Variants in CMTM2 observed in about 807,000 individuals in gnomAD.
CMTM2 encodes CKLF-like MARVEL transmembrane domain-containing protein 2.
CMTM2 carries 15 observed loss-of-function variants against 16.8 expected under a neutral mutation model. The ratio of observed to expected loss-of-function variants is 0.89; its 90% CI spans 0.60 to 1.37. CMTM2 has a LOEUF of 1.37. CMTM2 is among the 40% of genes most tolerant of loss of function. The pLI, the probability that CMTM2 is intolerant of heterozygous loss-of-function variation, is 0.00. For synonymous variants in CMTM2, 117 were observed against 118.7 expected, an observed-to-expected ratio of 0.99 and a Z score of 0.09; for missense variants, 282 against 318.0, an observed-to-expected ratio of 0.89 and a Z score of 0.86.
chr16:66,581,641 A>G (rs2014736839), intron 2 of CMTM2, among the ~76,000 whole-genome samples: 1 of 152,222 alleles, frequency 6.6e-6, no homozygotes, highest in Non-Finnish European at 1.5e-5. Context: ...GCGCCCTGGA[A>G]AGACTACCTC....
intron 2 of CMTM2, among the ~76,000 whole-genome samples, chr16:66,581,266 G>T (rs2014733788): frequency 6.6e-6 from 1 of 151,762 alleles, no homozygotes; most frequent in African/African-American, 2.4e-5. Flanking sequence ...CAAGGTAAAA[G>T]GACAGGCAGA....
chr16:66,586,542 G>C (rs925383760), intron 2 of CMTM2, among the ~76,000 whole-genome samples: 2 of 152,174 alleles, frequency 1.3e-5, no homozygotes, highest in Non-Finnish European at 2.9e-5. Flanking sequence ...AGCTGCTCAG[G>C]AGGCAGAGGT....
rs759218782 is a variant in CMTM2, at chr16:66,586,968, C to T, written c.445-29C>T. ...TTGTTGATGGGGACCCTGGCTTTGG[C>T]TGAGGCTGACTAACCTCTCCACCTT... is the stretch of plus-strand genomic sequence containing the variant. On this transcript the variant is annotated intron_variant, in intron 2 of 3. Transcript: ENST00000268595. The T allele has an allele frequency of 1.2e-5, 19 of 1,557,424 alleles. No homozygotes were observed. In the African/African-American group the frequency reaches 2.4e-4, roughly 20 times the overall value.
At chr16:66,587,839 T>C in intron 3 of CMTM2, 80 bp from the exon 4 acceptor site, 2 of 1,429,284 alleles carry the variant, frequency 1.4e-6, no homozygotes, top group Non-Finnish European at 9.8e-7. Flanking sequence ...CAGCACCCCC[T>C]GATGAATGAG....
chr16:66,583,900 T>G (rs941927045), intron 2 of CMTM2, among the ~76,000 whole-genome samples: 1 of 152,170 alleles, frequency 6.6e-6, no homozygotes, highest in African/African-American at 2.4e-5. Context: ...ACAGATTGAA[T>G]GTTTGTGTCT....
intron 2 of CMTM2, among the ~76,000 whole-genome samples, chr16:66,581,321 C>T (rs2014734201): frequency 6.6e-6 from 1 of 151,984 alleles, no homozygotes; most frequent in South Asian, 2.1e-4. Context: ...TTTTTAGTTC[C>T]AGCAAGATGA....
chr16:66,585,502 G>T (rs977981711), intron 2 of CMTM2, among the ~76,000 whole-genome samples: 18 of 152,202 alleles, frequency 1.2e-4, no homozygotes, highest in Non-Finnish European at 2.2e-4. Flanking sequence ...AATATAAAAA[G>T]TGTATTTTGA....
At chr16:66,582,994 A>G (rs2014752768) in intron 2 of CMTM2, among the ~76,000 whole-genome samples, 1 of 152,238 alleles carries the variant, frequency 6.6e-6, no homozygotes, top group African/African-American at 2.4e-5. Context: ...CTTGTATTCA[A>G]CATTGTGATA....
At chr16:66,583,060 A>G (rs2014753357) in intron 2 of CMTM2, among the ~76,000 whole-genome samples, 2 of 152,196 alleles carry the variant, frequency 1.3e-5, no homozygotes, top group Non-Finnish European at 2.9e-5. Context: ...TGACAAGAGG[A>G]AAAATCTAAT....
intron 2 of CMTM2, among the ~76,000 whole-genome samples, chr16:66,581,029 A>G (rs529295632): frequency 2.2e-4 from 33 of 152,252 alleles, no homozygotes; most frequent in South Asian, 6.2e-4. Flanking sequence ...ACATGAGGAA[A>G]TTGGCCTAGA....
Position 66,581,943 on chromosome 16 carries a change from A to G in CMTM2, c.444+1759A>G, listed in dbSNP as rs139881291. Reference sequence around the variant, plus strand: ...TTGGACTCCTGATAGAAACAAATGCAAAATCACAATCAAGGCATGAAGAGA... The same window carrying G: ...TTGGACTCCTGATAGAAACAAATGCGAAATCACAATCAAGGCATGAAGAGA... On this transcript the variant is annotated intron_variant, in intron 2 of 3. Transcript: ENST00000268595. 5.3e-5 allele frequency among the ~76,000 whole-genome samples: 8 copies of G among 152,272 alleles called. 1 individual carries two copies. The East Asian group carries it at 1.5e-3, about 29-fold the overall frequency.
In CMTM2 at chr16:66,588,148, G is replaced by A. The variant is rs1467194451; in HGVS notation, c.*29G>A. 29 of 1,598,516 alleles carry A rather than the reference G, an allele frequency of 1.8e-5. No individual in the cohort carries two copies. The highest frequency in any genetic ancestry group is 2.3e-5 in the Non-Finnish European group (27 of 1,168,458). Reference sequence around the variant, plus strand: ...GGAGGAGGCTCCTGGTGTCTGAAACGGCAGTGTATTTTACAGCAATATGTT... The same window carrying A: ...GGAGGAGGCTCCTGGTGTCTGAAACAGCAGTGTATTTTACAGCAATATGTT... On this transcript the variant is annotated 3_prime_UTR_variant, in exon 4 of 4. Transcript: ENST00000268595.
chr16:66,582,559 A>T (rs2014748214), intron 2 of CMTM2, among the ~76,000 whole-genome samples: 1 of 152,098 alleles, frequency 6.6e-6, no homozygotes, highest in Non-Finnish European at 1.5e-5. Flanking sequence ...AAAATTAGCC[A>T]AGCATGGTGG....
Position 66,587,922 on chromosome 16 carries a change from C to G in CMTM2, c.550C>G (p.Leu184Val). The change falls in exon 4 of 4, where the codon CTT (leucine) becomes GTT (valine). Residue 184 changes from leucine (L) to valine (V), a missense_variant. Physicochemically the swap from Leu to Val is conservative, Grantham distance 32. Coordinates refer to ENST00000268595, the MANE Select transcript of CMTM2 (RefSeq NM_144673.3). ...MNLHYLLAVI[L>V]IGAAGVFAFI... ...TGAGGACCGTTTTGTTTTCCAGATC[C>G]TTATTGGTGCGGCTGGAGTTTTTGC... 1 of 1,614,088 alleles carries G rather than the reference C, an allele frequency of 6.2e-7. No homozygotes were observed. The highest frequency in any genetic ancestry group is 8.5e-7 in the Non-Finnish European group (1 of 1,180,018).
chr16:66,584,594 T>C (rs1040683668), intron 2 of CMTM2, among the ~76,000 whole-genome samples: 1 of 152,196 alleles, frequency 6.6e-6, no homozygotes, highest in African/African-American at 2.4e-5. Flanking sequence ...TATTTTATTA[T>C]GGCATCCTGA....
At chr16:66,581,765 G>A (rs1370550592) in intron 2 of CMTM2, among the ~76,000 whole-genome samples, 6 of 152,168 alleles carry the variant, frequency 3.9e-5, no homozygotes, top group Non-Finnish European at 5.9e-5. Context: ...AGTCTTCCTT[G>A]AGAAATAGAA....
chr16:66,583,355 G>A (rs751936400), intron 2 of CMTM2, among the ~76,000 whole-genome samples: 5 of 152,056 alleles, frequency 3.3e-5, no homozygotes, highest in Non-Finnish European at 5.9e-5. Flanking sequence ...AACCAGGCAT[G>A]GAGGTGCATG....
rs371994585 is a variant in CMTM2 at position 66,579,931 on chromosome 16, C to T, written c.285+39C>T. 31 of 654,274 alleles carry T rather than the reference C, an allele frequency of 4.7e-5. No individual in the cohort carries two copies. The highest frequency in any genetic ancestry group is 7.7e-5 in the Non-Finnish European group (29 of 377,754). The allele number at this position is 654,274 out of a possible 1,614,324, so 40.5% of individuals were successfully genotyped here. On this transcript the variant is annotated intron_variant, in intron 1 of 3. Coordinates refer to ENST00000268595, the MANE Select transcript of CMTM2 (RefSeq NM_144673.3). The surrounding 1 kb of genome is among the most constrained non-coding windows in gnomAD (Gnocchi z 6.5). ...GTATCCCTGGGTGGGGGGCCTTGGC[C>T]GAGGGTGGGGGGAAGGAGGAGTAGG...
chr16:66,587,536 G>A lies in CMTM2; in HGVS notation c.547-383G>A, dbSNP rs566395237. 4.6e-5 allele frequency among the ~76,000 whole-genome samples: 7 copies of A among 151,730 alleles called. No individual in the cohort carries two copies. In the South Asian group the frequency reaches 8.3e-4, roughly 18 times the overall value. Reference sequence around the variant, plus strand: ...TGCAGCACTGCACTCCACCCCGGACGACGGAGCGAGACTTCGTCTCAAAGG... The same window carrying A: ...TGCAGCACTGCACTCCACCCCGGACAACGGAGCGAGACTTCGTCTCAAAGG... On this transcript the variant is annotated intron_variant, in intron 3 of 3. Transcript: ENST00000268595.
Sources: allele counts gnomAD v4.1 joint callset (sites outside exome capture counted in the v4.1 genomes callset), GRCh38; gene constraint gnomAD v4.1.1; non-coding constraint Gnocchi (gnomAD v3.1); transcripts MANE v1.5; gene names NCBI Gene and HGNC (gene_info 2026-07-23, HGNC 2026-07-21).